LEO1: variants seen among roughly 807,000 people sequenced by gnomAD.
LEO1 encodes LEO1 component of Paf1/RNA polymerase II complex.
Under a neutral mutation model 80.4 loss-of-function variants are expected in LEO1, and 34 were observed. The ratio of observed to expected loss-of-function variants is 0.42; its 90% CI spans 0.32 to 0.56. The LOEUF (loss-of-function observed/expected upper bound fraction) is 0.56, where lower values mean the gene tolerates loss of function less well. Among genes scored for constraint, LEO1 ranks in the 20% least tolerant of loss-of-function variants. The pLI, the probability that LEO1 is intolerant of heterozygous loss-of-function variation, is 0.10. For synonymous variants in LEO1, 262 were observed against 274.9 expected (o/e 0.95, Z 0.46); for missense variants, 631 against 814.2 (o/e 0.77, Z 2.74).
rs1157180194 is a variant in LEO1, at chr15:51,966,341, A to G, written c.222T>C (p.His74=). ...DDSEDEGASH[H]SGSDNHSERS... ...TTTCAGAGTGATTATCACTACCACT[A>G]TGATGTGAAGCTCCCTCGTCCTCAC... is the stretch of plus-strand genomic sequence containing the variant. The change falls in exon 2 of 12, where the codon CAT becomes CAC. Residue 74 remains histidine, a synonymous_variant. Transcript: ENST00000299601. 1.2e-6 allele frequency: 2 copies of G among 1,613,972 alleles called. No homozygotes were observed. Among genetic ancestry groups the G allele is most frequent in the East Asian group, 2.2e-5 (1 of 44,892 alleles).
chr15:51,945,437 C>T (rs2056892210), intron 11 of LEO1, among the ~76,000 whole-genome samples: 1 of 151,900 alleles, frequency 6.6e-6, no homozygotes, highest in Non-Finnish European at 1.5e-5. Context: ...ATTCTGCATG[C>T]AACACTCTCC....
intron 1 of LEO1, among the ~76,000 whole-genome samples, chr15:51,968,115 G>A (rs2057092983): frequency 1.3e-5 from 2 of 152,170 alleles, no homozygotes; most frequent in South Asian, 4.1e-4. Flanking sequence ...CCCAGGAGAT[G>A]GAGGTTGCAG....
chr15:51,940,977 G>T (rs1445504570), intron 11 of LEO1, among the ~76,000 whole-genome samples: 1 of 151,946 alleles, frequency 6.6e-6, no homozygotes, highest in Non-Finnish European at 1.5e-5. Flanking sequence ...GGAGGCTGAG[G>T]CAGGAGAATC....
At chr15:51,952,751 T>G (rs1485911053) in intron 8 of LEO1, among the ~76,000 whole-genome samples, 1 of 152,184 alleles carries the variant, frequency 6.6e-6, no homozygotes, top group African/African-American at 2.4e-5. Context: ...TTTCCTTCGA[T>G]TGCATGCACA....
intron 11 of LEO1, among the ~76,000 whole-genome samples, chr15:51,942,196 G>C (rs952788506): frequency 6.6e-6 from 1 of 152,160 alleles, no homozygotes; most frequent in African/African-American, 2.4e-5. Context: ...GTACCATGAA[G>C]AGGCAATGGC....
intron 6 of LEO1, among the ~76,000 whole-genome samples, chr15:51,958,475 C>G (rs1327353184): frequency 6.6e-6 from 1 of 152,116 alleles, no homozygotes; most frequent in Non-Finnish European, 1.5e-5. Flanking sequence ...GATGAAACTT[C>G]TGCTGAACCT....
intron 1 of LEO1, among the ~76,000 whole-genome samples, chr15:51,969,257 C>T (rs2057103317): frequency 6.6e-6 from 1 of 151,542 alleles, no homozygotes. Context: ...CTGTGCCTGG[C>T]CTAAAACCAA....
At chr15:51,947,440 G>C (rs766981977) in intron 10 of LEO1, 51 bp from the exon 11 acceptor site, 3 of 1,341,526 alleles carry the variant, frequency 2.2e-6, no homozygotes, top group Non-Finnish European at 3.2e-6. Context: ...TTCTGAGACA[G>C]GGTCTTGCTT....
intron 10 of LEO1, 49 bp downstream of exon 10, chr15:51,949,759 A>G (rs542684977): frequency 1.3e-6 from 2 of 1,487,182 alleles, no homozygotes; most frequent in African/African-American, 2.8e-5. Flanking sequence ...TGCCAAGATG[A>G]AGTCCAGAAT....
At chr15:51,967,421 C>G (rs1595948562) in intron 1 of LEO1, among the ~76,000 whole-genome samples, 1 of 152,078 alleles carries the variant, frequency 6.6e-6, no homozygotes, top group East Asian at 1.9e-4. Flanking sequence ...TGCAGTGAGC[C>G]GAGACCACAC....
chr15:51,958,616 C>T lies in LEO1; in HGVS notation c.1245+126G>A, dbSNP rs1026885131. ...TTTCCTAATAGTCAACAAAAGCAAT[C>T]AAAAGAACACAGCCATATAGTGAAG... On this transcript the variant is annotated intron_variant, in intron 6 of 11. Coordinates refer to ENST00000299601, the MANE Select transcript of LEO1 (RefSeq NM_138792.4). 2.5e-5 allele frequency: 16 copies of T among 632,980 alleles called. No individual in the cohort carries two copies. In the South Asian group the frequency reaches 3.0e-4, roughly 12 times the overall value. 39.2% of individuals were successfully genotyped at this position (632,980 alleles called of 1,614,324 possible). A position where few individuals can be genotyped will look rare whatever the true frequency, so the allele number is the denominator to read the frequency against.
At chr15:51,968,057 G>A (rs867449188) in intron 1 of LEO1, among the ~76,000 whole-genome samples, 2 of 151,792 alleles carry the variant, frequency 1.3e-5, no homozygotes, top group African/African-American at 2.4e-5. Flanking sequence ...GGTGGCTTAC[G>A]CCTGTGAGCC....
At chr15:51,969,421 G>T (rs1433255616) in intron 1 of LEO1, among the ~76,000 whole-genome samples, 1 of 151,948 alleles carries the variant, frequency 6.6e-6, no homozygotes, top group African/African-American at 2.4e-5. Flanking sequence ...GATCACCTGA[G>T]GTCAGGAGTT....
chr15:51,961,064 C>T lies in LEO1; in HGVS notation c.920-331G>A, dbSNP rs1480929349. 2.6e-5 allele frequency among the ~76,000 whole-genome samples: 4 copies of T among 152,166 alleles called. No homozygotes were observed. The East Asian group carries it at 7.7e-4, about 29-fold the overall frequency. The stretch of plus-strand genomic sequence containing the variant: ...TGGGGCTGAAGCACTCCACAGACAC[C>T]CATTTTCCATAAGTCTATCCCAGAT... On this transcript the variant is annotated intron_variant, in intron 3 of 11. Transcript: ENST00000299601.
At chr15:51,968,823 C>T (rs1437280222) in intron 1 of LEO1, among the ~76,000 whole-genome samples, 6 of 149,884 alleles carry the variant, frequency 4.0e-5, no homozygotes, top group African/African-American at 7.4e-5. Flanking sequence ...AGCAAGACTC[C>T]GTCTCAAAAA....
At chr15:51,970,291 G>A (rs1294366268) in intron 1 of LEO1, among the ~76,000 whole-genome samples, 1 of 152,122 alleles carries the variant, frequency 6.6e-6, no homozygotes, top group African/African-American at 2.4e-5. Context: ...CTGAGTACCT[G>A]GGACTACAGG....
At chr15:51,965,669 A>T in intron 2 of LEO1, 80 bp downstream of exon 2, 4 of 1,504,836 alleles carry the variant, frequency 2.7e-6, no homozygotes, top group Non-Finnish European at 3.5e-6. Context: ...GGTAATAAAG[A>T]TGGGAATAAA....
chr15:51,938,704 T>A (rs11630253), intron 11 of LEO1, among the ~76,000 whole-genome samples: 54,154 of 152,118 alleles, frequency 0.36, 10,126 homozygotes, highest in Middle Eastern at 0.43. Flanking sequence ...TAAAGGTTTT[T>A]AAGAAAATAT....
At chr15:51,970,527 T>C (rs539679354) in intron 1 of LEO1, among the ~76,000 whole-genome samples, 1 of 152,260 alleles carries the variant, frequency 6.6e-6, no homozygotes, top group East Asian at 1.9e-4. Context: ...TCATTAAAAA[T>C]GAATAAAGTA....
Sources: allele counts gnomAD v4.1 joint callset (sites outside exome capture counted in the v4.1 genomes callset), GRCh38; gene constraint gnomAD v4.1.1; transcripts MANE v1.5; gene names NCBI Gene and HGNC (gene_info 2026-07-23, HGNC 2026-07-21).